SPTY2D1: variants seen among roughly 807,000 people sequenced by gnomAD.
The protein encoded by SPTY2D1 is protein SPT2 homolog.
SPTY2D1 carries 21 observed loss-of-function variants against 64.0 expected under a neutral mutation model. That is an observed-to-expected ratio of 0.33 (90% CI 0.23 to 0.47). SPTY2D1 has a LOEUF of 0.47. Among genes scored for constraint, SPTY2D1 ranks in the 20% least tolerant of loss-of-function variants. The pLI, the probability that SPTY2D1 is intolerant of heterozygous loss-of-function variation, is 1.00. For synonymous variants in SPTY2D1, 287 were observed against 286.8 expected (o/e 1.00, Z -0.01); for missense variants, 724 against 837.2 (o/e 0.86, Z 1.67).
intron 1 of SPTY2D1, among the ~76,000 whole-genome samples, chr11:18,629,813 C>CA (rs1356098634): frequency 6.6e-6 from 1 of 151,954 alleles, no homozygotes; most frequent in African/African-American, 2.4e-5. Flanking sequence ...AATTAAGAAA[C>CA]AAAAAAATGA....
At chr11:18,610,436 C>T (rs58838170) in intron 5 of SPTY2D1, among the ~76,000 whole-genome samples, 8,837 of 151,862 alleles carry the variant, frequency 0.058, 854 homozygotes, top group African/African-American at 0.2. Flanking sequence ...CCGAGCCAGG[C>T]GGATCACCTG....
chr11:18,617,411 G>T (rs1207891512), intron 1 of SPTY2D1, among the ~76,000 whole-genome samples: 1 of 152,080 alleles, frequency 6.6e-6, no homozygotes, highest in Non-Finnish European at 1.5e-5. Context: ...CGAATCATGA[G>T]ATCTGGAGTT....
At chr11:18,625,019 C>A (rs1406134453) in intron 1 of SPTY2D1, among the ~76,000 whole-genome samples, 1 of 152,112 alleles carries the variant, frequency 6.6e-6, no homozygotes, top group Admixed American at 6.6e-5. Context: ...AAAGTCAATT[C>A]CTCCATGAAA....
Position 18,634,189 on chromosome 11 carries a change from G to A in SPTY2D1, c.60+9C>T. 1 of 1,614,170 alleles carries A rather than the reference G, an allele frequency of 6.2e-7. No homozygotes were observed. On this transcript the variant is annotated intron_variant, in intron 1 of 5. Transcript: ENST00000336349. ...GGTCCCCTACATTGATGCCCCAGCT[G>A]CTACTTACCGGCACATTGTTGACAC... is the stretch of plus-strand genomic sequence containing the variant.
Position 18,632,567 on chromosome 11 carries a change from T to C in SPTY2D1, c.60+1631A>G, listed in dbSNP as rs1383159444. Among the ~76,000 whole-genome samples the C allele has an allele frequency of 2.0e-5, 3 of 152,200 alleles. No individual in the cohort carries two copies. The East Asian group carries it at 5.8e-4, about 29-fold the overall frequency. On this transcript the variant is annotated intron_variant, in intron 1 of 5. Coordinates refer to ENST00000336349, the MANE Select transcript of SPTY2D1 (RefSeq NM_194285.3). ...TTTCATCATATTTGTCAGGCTGGTC[T>C]CAAACTCCTGACTTCAGGTGATTCT...
intron 1 of SPTY2D1, among the ~76,000 whole-genome samples, chr11:18,617,277 G>A (rs1854313915): frequency 6.6e-6 from 1 of 152,104 alleles, no homozygotes; most frequent in African/African-American, 2.4e-5. Flanking sequence ...AAAAGAACCT[G>A]GACTGGGTAA....
intron 1 of SPTY2D1, among the ~76,000 whole-genome samples, chr11:18,629,178 T>C (rs918198634): frequency 1.3e-5 from 2 of 152,248 alleles, no homozygotes; most frequent in African/African-American, 4.8e-5. Flanking sequence ...ACCATATAAG[T>C]TGGCTTATGC....
chr11:18,629,027 G>C (rs1328155077), intron 1 of SPTY2D1, among the ~76,000 whole-genome samples: 1 of 152,098 alleles, frequency 6.6e-6, no homozygotes, highest in Non-Finnish European at 1.5e-5. Flanking sequence ...TCCTTAAGGG[G>C]CTATAGGCAG....
rs370543761 is a variant in SPTY2D1, at chr11:18,634,288, G to T, written c.-31C>A. On this transcript the variant is annotated 5_prime_UTR_variant, in exon 1 of 6. Coordinates refer to ENST00000336349, the MANE Select transcript of SPTY2D1 (RefSeq NM_194285.3). ...GCCGAGGCGGGAGAGACTGGGCCAG[G>T]CACTCGGAAAGGACTGACAGCGCAC... is the stretch of plus-strand genomic sequence containing the variant. 2.4e-5 allele frequency: 38 copies of T among 1,612,558 alleles called. No individual in the cohort carries two copies. Among genetic ancestry groups the T allele is most frequent in the Non-Finnish European group, 2.9e-5 (34 of 1,178,974 alleles).
At chr11:18,613,283 C>A (rs1164659768) in intron 3 of SPTY2D1, among the ~76,000 whole-genome samples, 2 of 152,212 alleles carry the variant, frequency 1.3e-5, no homozygotes, top group Non-Finnish European at 2.9e-5. Flanking sequence ...TTATTTTTGT[C>A]ATTTTACCAA....
chr11:18,620,065 G>A (rs1854367787), intron 1 of SPTY2D1, among the ~76,000 whole-genome samples: 1 of 152,180 alleles, frequency 6.6e-6, no homozygotes, highest in Non-Finnish European at 1.5e-5. Context: ...AAACATCAGT[G>A]TCAATGGGGC....
intron 1 of SPTY2D1, among the ~76,000 whole-genome samples, chr11:18,620,886 C>CA (rs10715602): frequency 0.27 from 32,414 of 121,734 alleles, 3,942 homozygotes; most frequent in African/African-American, 0.31. Context: ...GACTCTATCT[C>CA]AAAAAAAAAA....
At position 18,612,513 on chromosome 11, in the gene SPTY2D1, T is replaced by C; in HGVS notation, c.1712-25A>G. On this transcript the variant is annotated intron_variant, in intron 3 of 5. Transcript: ENST00000336349. The surrounding 1 kb of genome is among the most constrained non-coding windows in gnomAD (Gnocchi z 4.6). ...CCTAAGAAACCATTATTTATAAGAATATTACAATTTAAAATAGTTCCAATG... is the reference window on the plus strand; with the variant it reads ...CCTAAGAAACCATTATTTATAAGAACATTACAATTTAAAATAGTTCCAATG... 6.5e-7 allele frequency: 1 copy of C among 1,549,364 alleles called. No individual in the cohort carries two copies. The highest frequency in any genetic ancestry group is 8.7e-7 in the Non-Finnish European group (1 of 1,152,012).
intron 1 of SPTY2D1, among the ~76,000 whole-genome samples, chr11:18,630,853 G>C (rs190779963): frequency 6.6e-6 from 1 of 151,864 alleles, no homozygotes; most frequent in Non-Finnish European, 1.5e-5. Context: ...ACAGAGTCTC[G>C]CTCTGTCACC....
chr11:18,616,225 A>G, intron 2 of SPTY2D1, 127 bp from the exon 3 acceptor site: 2 of 832,790 alleles, frequency 2.4e-6, no homozygotes, highest in Non-Finnish European at 3.6e-6. Flanking sequence ...AAGTCATGTG[A>G]ACAAGTATCA....
chr11:18,610,427 C>CG (rs1193876731), intron 5 of SPTY2D1, among the ~76,000 whole-genome samples: 3 of 151,764 alleles, frequency 2.0e-5, no homozygotes, highest in Non-Finnish European at 4.4e-5. Flanking sequence ...TTTAGGAAGC[C>CG]GAGCCAGGCG....
At position 18,612,890 on chromosome 11, in the gene SPTY2D1, G is replaced by A. The variant is rs949026832; in HGVS notation, c.1712-402C>T. On this transcript the variant is annotated intron_variant, in intron 3 of 5. Transcript: ENST00000336349. The surrounding 1 kb of genome is among the most constrained non-coding windows in gnomAD (Gnocchi z 4.6). The stretch of plus-strand genomic sequence containing the variant: ...AGCAATTCTCCTGCCTCAGCCTCCC[G>A]AGTAGCTGGGATTATAGGCATGTGC... Among the ~76,000 whole-genome samples, 2 of 151,522 alleles carry A rather than the reference G, an allele frequency of 1.3e-5. No homozygotes were observed. Among genetic ancestry groups the A allele is most frequent in the East Asian group, 1.9e-4 (1 of 5,156 alleles).
At chr11:18,628,905 T>C (rs542462648) in intron 1 of SPTY2D1, among the ~76,000 whole-genome samples, 23 of 152,216 alleles carry the variant, frequency 1.5e-4, no homozygotes, top group Non-Finnish European at 2.2e-4. Flanking sequence ...CCTATCATTT[T>C]TTATGCAGAC....
Position 18,612,116 on chromosome 11 carries a change from A to T in SPTY2D1, c.1886+198T>A, listed in dbSNP as rs1485835109. The stretch of plus-strand genomic sequence containing the variant: ...GGGTTATTTTTTGTTCCTCATGCAA[A>T]TAACTACAGAAACTATTTTGAATTA... On this transcript the variant is annotated intron_variant, in intron 4 of 5. Transcript: ENST00000336349. The surrounding 1 kb of genome is among the most constrained non-coding windows in gnomAD (Gnocchi z 4.6). The T allele has an allele frequency of 2.4e-6, 1 of 414,062 alleles. No individual in the cohort carries two copies. The highest frequency in any genetic ancestry group is 4.2e-6 in the Non-Finnish European group (1 of 239,470). 25.6% of individuals were successfully genotyped at this position (414,062 alleles called of 1,614,324 possible). A position where few individuals can be genotyped will look rare whatever the true frequency, so the allele number is the denominator to read the frequency against.
Sources: gnomAD v4.1 joint callset for allele counts (sites outside exome capture counted in the v4.1 genomes callset) on GRCh38, gnomAD v4.1.1 for gene constraint, Gnocchi (gnomAD v3.1) non-coding constraint, MANE v1.5 for transcripts, NCBI Gene and HGNC (gene_info 2026-07-23, HGNC 2026-07-21) for gene names.